KIAA0319: variants seen among roughly 807,000 people sequenced by gnomAD.
KIAA0319 encodes KIAA0319.
Under a neutral mutation model 108.4 loss-of-function variants are expected in KIAA0319, and 83 were observed. The ratio of observed to expected loss-of-function variants is 0.77; its 90% CI spans 0.64 to 0.92. KIAA0319 has a LOEUF of 0.92. Among genes scored for constraint, KIAA0319 ranks in the 40% least tolerant of loss-of-function variants. The probability of loss-of-function intolerance (pLI) is 0.00; values close to 1 mark genes in which losing one functional copy is unlikely to be tolerated. For missense variants in KIAA0319, 1,195 were observed against 1,322.4 expected, an observed-to-expected ratio of 0.90 and a Z score of 1.49; for synonymous variants, 484 against 510.4, an observed-to-expected ratio of 0.95 and a Z score of 0.70.
intron 1 of KIAA0319, among the ~76,000 whole-genome samples, chr6:24,627,001 A>G (rs1342224874): frequency 6.6e-6 from 1 of 152,240 alleles, no homozygotes; most frequent in African/African-American, 2.4e-5. Context: ...GTTATTGAAC[A>G]GATAATTCAT....
At chr6:24,644,793 T>C (rs1361188869) in intron 1 of KIAA0319, among the ~76,000 whole-genome samples, 2 of 152,212 alleles carry the variant, frequency 1.3e-5, no homozygotes, top group Admixed American at 6.5e-5. Context: ...GCATTACAAA[T>C]GGTTAATACA....
In KIAA0319 at chr6:24,551,691, GC is replaced by G. The variant is rs532468874; in HGVS notation, c.2949-167del. ...ACAAGGCCAGGTCAGAGCTCAGAGG[GC>G]CATTATGCATCTTGGAGAAACACAT... is the stretch of plus-strand genomic sequence containing the variant. On this transcript the variant is annotated intron_variant, in intron 19 of 20. Transcript: ENST00000378214. 7.2e-5 allele frequency among the ~76,000 whole-genome samples: 11 copies of G among 152,272 alleles called. No individual in the cohort carries two copies. The East Asian group carries it at 2.1e-3, about 29-fold the overall frequency.
downstream of KIAA0319, among the ~76,000 whole-genome samples, chr6:24,540,779 T>C (rs963821311): frequency 2.6e-5 from 4 of 152,202 alleles, no homozygotes; most frequent in Non-Finnish European, 5.9e-5. Flanking sequence ...AATTATAAAT[T>C]CATAGGAAGT....
rs572162436 is a variant in KIAA0319 at position 24,599,949 on chromosome 6, C to A, written c.55+1100G>T. On this transcript the variant is annotated intron_variant, in intron 2 of 20. Coordinates refer to ENST00000378214, the MANE Select transcript of KIAA0319 (RefSeq NM_014809.4). The surrounding 1 kb of genome is among the most constrained non-coding windows in gnomAD (Gnocchi z 4.1). ...GGGAGAGTTCACTGCCTGGGGTATCCCCCTTTGCCCATGCCTCCAGCTACA... is the reference window on the plus strand; with the variant it reads ...GGGAGAGTTCACTGCCTGGGGTATCACCCTTTGCCCATGCCTCCAGCTACA... 1.3e-5 allele frequency among the ~76,000 whole-genome samples: 2 copies of A among 152,120 alleles called. No homozygotes were observed. The highest frequency in any genetic ancestry group is 2.4e-5 in the African/African-American group (1 of 41,408).
In KIAA0319 at chr6:24,547,231, T is replaced by C. The variant is rs1381507070; in HGVS notation, c.3153A>G (p.Pro1051=). ...FSREKMERGN[P]KVSMNGSIRN... ...TGATGGAACCATTCATGGAAACCTT[T>C]GGATTCCCTCTCTCCATCTTTTCTC... is the stretch of plus-strand genomic sequence containing the variant. Residue 1051 remains proline, a synonymous_variant, in exon 21 of 21, where the codon CCA becomes CCG. Coordinates refer to ENST00000378214, the MANE Select transcript of KIAA0319 (RefSeq NM_014809.4). 3 of 1,613,978 alleles carry C rather than the reference T, an allele frequency of 1.9e-6. No homozygotes were observed. The highest frequency in any genetic ancestry group is 2.5e-6 in the Non-Finnish European group (3 of 1,179,920).
chr6:24,579,412 G>GATATGTATAT (rs1766046189), intron 8 of KIAA0319, among the ~76,000 whole-genome samples: 3 of 127,254 alleles, frequency 2.4e-5, no homozygotes, highest in Non-Finnish European at 4.9e-5. Context: ...TCTATATAAA[G>GATATGTATAT]ATATATATAT....
intron 8 of KIAA0319, 29 bp from the exon 9 acceptor site, chr6:24,578,271 T>G (rs73727992): frequency 1.3e-6 from 2 of 1,507,660 alleles, no homozygotes; most frequent in Non-Finnish European, 1.8e-6. Flanking sequence ...AAGACAAGAA[T>G]GAAATACAAG....
chr6:24,606,682 G>A (rs1771455612), intron 1 of KIAA0319, among the ~76,000 whole-genome samples: 1 of 152,130 alleles, frequency 6.6e-6, no homozygotes. Context: ...ATTATCTGGG[G>A]CCCCAGAATA....
rs752981572 is a variant in KIAA0319, at chr6:24,546,900, C to T, written c.*265G>A. 34 of 325,824 alleles carry T rather than the reference C, an allele frequency of 1.0e-4. No individual in the cohort carries two copies. The highest frequency in any genetic ancestry group is 1.8e-4 in the Non-Finnish European group (31 of 175,308). 20.2% of individuals were successfully genotyped at this position (325,824 alleles called of 1,614,324 possible). ...GTTCATCTTTAATATGAGATTGTGCCAGCTACAAAAACTCAAAACTCTTTT... is the reference window on the plus strand; with the variant it reads ...GTTCATCTTTAATATGAGATTGTGCTAGCTACAAAAACTCAAAACTCTTTT... On this transcript the variant is annotated 3_prime_UTR_variant, in exon 21 of 21. Transcript: ENST00000378214.
chr6:24,541,237 G>A (rs562202825), downstream of KIAA0319, among the ~76,000 whole-genome samples: 9 of 152,140 alleles, frequency 5.9e-5, no homozygotes, highest in South Asian at 2.1e-4. Context: ...TTCTCCTGAC[G>A]CCTCTCATCT....
At chr6:24,605,588 A>G (rs2127542329) in intron 1 of KIAA0319, among the ~76,000 whole-genome samples, 1 of 152,314 alleles carries the variant, frequency 6.6e-6, no homozygotes, top group African/African-American at 2.4e-5. Flanking sequence ...TAATCGAGTG[A>G]CAAAATAGAA....
rs1323007648 is a variant in KIAA0319 at position 24,559,079 on chromosome 6, G to A, written c.2668C>T (p.His890Tyr). 6.2e-7 allele frequency: 1 copy of A among 1,613,642 alleles called. No homozygotes were observed. The highest frequency in any genetic ancestry group is 8.5e-7 in the Non-Finnish European group (1 of 1,179,964). Residue 890 changes from histidine to tyrosine, a missense_variant, in exon 17 of 21, where the codon CAC (histidine) becomes TAC (tyrosine). Coordinates refer to ENST00000378214, the MANE Select transcript of KIAA0319 (RefSeq NM_014809.4). ...LKAAEVARNL[H>Y]MRLSKEKADF... ...GCCTTCTCCTTTGAGAGCCGCATGT[G>A]CAGATTTCGGGCCACTTCAGCAGCT...
intron 1 of KIAA0319, among the ~76,000 whole-genome samples, chr6:24,619,957 A>C (rs1384925427): frequency 1.3e-5 from 2 of 152,222 alleles, no homozygotes; most frequent in Non-Finnish European, 2.9e-5. Context: ...AATGACAATC[A>C]CATGGATCCC....
intron 17 of KIAA0319, among the ~76,000 whole-genome samples, chr6:24,558,369 A>T (rs1232314565): frequency 3.3e-5 from 1 of 30,178 alleles, no homozygotes; most frequent in South Asian, 9.7e-4. Flanking sequence ...ATATATCTAG[A>T]TAGATAGATA....
intron 1 of KIAA0319, among the ~76,000 whole-genome samples, chr6:24,634,268 A>G (rs1775932297): frequency 6.6e-6 from 1 of 152,216 alleles, no homozygotes; most frequent in Non-Finnish European, 1.5e-5. Context: ...GCCAGGCAGA[A>G]TAAAATACAA....
At chr6:24,598,290 C>A in intron 2 of KIAA0319, 1 of 653,052 alleles carries the variant, frequency 1.5e-6, no homozygotes, top group Non-Finnish European at 2.8e-6. Context: ...ACATCCAGGC[C>A]ATGTGCACCC....
intron 1 of KIAA0319, among the ~76,000 whole-genome samples, chr6:24,641,616 T>C (rs954779256): frequency 2.8e-5 from 4 of 145,054 alleles, no homozygotes; most frequent in Non-Finnish European, 6.0e-5. Context: ...ACAATAAATT[T>C]TGAACATTTG....
At chr6:24,632,721 G>C (rs1370286664) in intron 1 of KIAA0319, among the ~76,000 whole-genome samples, 1 of 152,216 alleles carries the variant, frequency 6.6e-6, no homozygotes, top group Non-Finnish European at 1.5e-5. Flanking sequence ...TAGAGGCCAA[G>C]TCAACAAAGT....
At chr6:24,542,099 C>A (rs1243991876), downstream of KIAA0319, among the ~76,000 whole-genome samples, 1 of 152,202 alleles carries the variant, frequency 6.6e-6, no homozygotes, top group Non-Finnish European at 1.5e-5. Context: ...CGAGATTGCA[C>A]CACTGCGCTC....
Sources: gnomAD v4.1 joint callset for allele counts (sites outside exome capture counted in the v4.1 genomes callset) on GRCh38, gnomAD v4.1.1 for gene constraint, Gnocchi (gnomAD v3.1) non-coding constraint, MANE v1.5 for transcripts, NCBI Gene and HGNC (gene_info 2026-07-23, HGNC 2026-07-21) for gene names.